The following LAMA2 variants were observed in gnomAD, a reference collection of about 807,000 sequenced individuals.
LAMA2 encodes the protein laminin subunit alpha-2.
In LAMA2, 269 loss-of-function variants were observed where a neutral mutation model predicts 364.8. The observed-to-expected ratio is 0.74, with a 90% confidence interval of 0.67 to 0.82. The LOEUF (loss-of-function observed/expected upper bound fraction) is 0.82, where lower values mean the gene tolerates loss of function less well. Among genes scored for constraint, LAMA2 ranks in the 40% least tolerant of loss-of-function variants. The pLI, the probability that LAMA2 is intolerant of heterozygous loss-of-function variation, is 0.00. For synonymous variants in LAMA2, 1,379 were observed against 1,370.6 expected (o/e 1.01, Z -0.14); for missense variants, 3,807 against 3,873.2 (o/e 0.98, Z 0.45).
chr6:129,297,537 A>T, intron 20 of LAMA2, 148 bp from the exon 21 acceptor site: 1 of 724,464 alleles, frequency 1.4e-6, no homozygotes, highest in Non-Finnish European at 2.4e-6. Context: ...CATTTGATTG[A>T]ATGAAAACCC....
At chr6:129,052,257 T>TC (rs1246506293) in intron 2 of LAMA2, among the ~76,000 whole-genome samples, 1 of 145,804 alleles carries the variant, frequency 6.9e-6, no homozygotes, top group African/African-American at 2.5e-5. Context: ...TGCCTCAGCC[T>TC]CCCCAGCAGC....
chr6:129,270,744 T>C lies in LAMA2; in HGVS notation c.2443T>C (p.Ser815Pro). ...QPCACPLNIPSNNFSPTCHLD... is the reference protein window; with the variant it reads ...QPCACPLNIPPNNFSPTCHLD... Reference sequence around the variant, plus strand: ...CTGTGCCTGTCCACTCAATATCCCATCCAATAAGTAAGTAACAAACTTACC... The same window carrying C: ...CTGTGCCTGTCCACTCAATATCCCACCCAATAAGTAAGTAACAAACTTACC... The change falls in exon 17 of 65, where the codon TCC becomes CCC. Residue 815 changes from serine (S) to proline (P), a missense_variant. This residue lies in a region of LAMA2 where 3,333 missense variants were observed against 3,345.7 expected (regional missense o/e 1.00). Transcript: ENST00000421865. 1 of 1,613,100 alleles carries C rather than the reference T, an allele frequency of 6.2e-7. No individual in the cohort carries two copies. The highest frequency in any genetic ancestry group is 8.5e-7 in the Non-Finnish European group (1 of 1,179,436).
chr6:129,169,278 G>A (rs1779976495), intron 9 of LAMA2, among the ~76,000 whole-genome samples: 2 of 145,430 alleles, frequency 1.4e-5, no homozygotes, highest in South Asian at 2.1e-4. Context: ...TGCCCATTCT[G>A]TATGATACTG....
intron 12 of LAMA2, among the ~76,000 whole-genome samples, chr6:129,216,701 C>G (rs1246772280): frequency 6.6e-6 from 1 of 151,968 alleles, no homozygotes; most frequent in Admixed American, 6.6e-5. Context: ...ATAAAGAAAA[C>G]TAATATGAAG....
At chr6:129,142,017 T>C (rs895314598) in intron 4 of LAMA2, among the ~76,000 whole-genome samples, 1 of 152,108 alleles carries the variant, frequency 6.6e-6, no homozygotes, top group Non-Finnish European at 1.5e-5. Flanking sequence ...TGTAAGTATG[T>C]GCTTCTTCCT....
At chr6:129,284,785 A>T (rs1314298542) in intron 18 of LAMA2, among the ~76,000 whole-genome samples, 1 of 151,664 alleles carries the variant, frequency 6.6e-6, no homozygotes, top group East Asian at 1.9e-4. Context: ...CCTCCCTCTA[A>T]CATTGTTCCT....
chr6:128,973,916 T>C (rs1243624744), intron 1 of LAMA2, among the ~76,000 whole-genome samples: 3 of 152,176 alleles, frequency 2.0e-5, no homozygotes, highest in Non-Finnish European at 4.4e-5. Context: ...GGGACCTCTA[T>C]GCCCCCATCC....
rs1018621745 is a variant in LAMA2, at chr6:129,139,120, A to G, written c.640-4781A>G. Reference sequence around the variant, plus strand: ...GTTTCAGTGGAATGGAGGAAGACCAATGGAATAATAGGAGCATTGTGGAGG... The same window carrying G: ...GTTTCAGTGGAATGGAGGAAGACCAGTGGAATAATAGGAGCATTGTGGAGG... On this transcript the variant is annotated intron_variant, in intron 4 of 64. Coordinates refer to ENST00000421865, the MANE Select transcript of LAMA2 (RefSeq NM_000426.4). Among the ~76,000 whole-genome samples the G allele has an allele frequency of 2.6e-5, 4 of 152,144 alleles. No homozygotes were observed. The East Asian group carries it at 7.7e-4, about 29-fold the overall frequency.
chr6:129,123,444 T>G (rs1015405174), intron 4 of LAMA2, among the ~76,000 whole-genome samples: 2 of 152,134 alleles, frequency 1.3e-5, no homozygotes, highest in Admixed American at 6.6e-5. Context: ...GTATTCATTT[T>G]AGCATTATTC....
chr6:129,208,651 AAG>A (rs537394261), intron 12 of LAMA2, among the ~76,000 whole-genome samples: 2 of 148,390 alleles, frequency 1.3e-5, no homozygotes, highest in Non-Finnish European at 3.0e-5. Context: ...AGAAGGAAGG[AAG>A]AGAGGGAGAA....
intron 1 of LAMA2, among the ~76,000 whole-genome samples, chr6:128,997,563 G>C (rs1784061791): frequency 6.6e-6 from 1 of 152,166 alleles, no homozygotes; most frequent in South Asian, 2.1e-4. Flanking sequence ...CGGAGGCTGA[G>C]GCAGGTGGAT....
At chr6:129,422,555 A>T (rs1305483762) in intron 40 of LAMA2, among the ~76,000 whole-genome samples, 1 of 152,162 alleles carries the variant, frequency 6.6e-6, no homozygotes, top group Non-Finnish European at 1.5e-5. Flanking sequence ...ATAGTAAAGG[A>T]TGTTAAGAGG....
At chr6:129,105,227 C>T (rs1213340473) in intron 4 of LAMA2, among the ~76,000 whole-genome samples, 2 of 152,102 alleles carry the variant, frequency 1.3e-5, no homozygotes, top group Non-Finnish European at 2.9e-5. Context: ...CAGGGTAGAG[C>T]TCTTGTGGGA....
chr6:129,476,559 G>A lies in LAMA2; in HGVS notation c.7451+1158G>A, dbSNP rs533022841. On this transcript the variant is annotated intron_variant, in intron 53 of 64. Coordinates refer to ENST00000421865, the MANE Select transcript of LAMA2 (RefSeq NM_000426.4). ...CCCCTGTAATTGTCCTAATATTGAG[G>A]TTGCTAAATCATATTTTGGAATGGT... Among the ~76,000 whole-genome samples, 183 of 152,210 alleles carry A rather than the reference G, an allele frequency of 1.2e-3. 1 individual carries two copies. Among genetic ancestry groups the A allele is most frequent in the African/African-American group, 4.2e-3 (174 of 41,532 alleles).
rs145149634 is a variant in LAMA2 at position 129,098,184 on chromosome 6, C to A, written c.408C>A (p.Ile136=). The change falls in exon 4 of 65, where the codon ATC becomes ATA. Residue 136 remains isoleucine, a synonymous_variant. Coordinates refer to ENST00000421865, the MANE Select transcript of LAMA2 (RefSeq NM_000426.4). The part of the protein sequence containing the change: ...ITLDLQQVFQ[I]AYVIVKAANS... ...TTATACTTCCCTAGGTGTTCCAGAT[C>A]GCGTATGTGATTGTGAAGGCAGCTA... is the stretch of plus-strand genomic sequence containing the variant. 6.2e-7 allele frequency: 1 copy of A among 1,613,888 alleles called. No individual in the cohort carries two copies. Among genetic ancestry groups the A allele is most frequent in the Non-Finnish European group, 8.5e-7 (1 of 1,179,938 alleles).
At chr6:129,339,291 A>G (rs925679358) in intron 29 of LAMA2, among the ~76,000 whole-genome samples, 4 of 152,212 alleles carry the variant, frequency 2.6e-5, no homozygotes, top group African/African-American at 9.6e-5. Context: ...CTCGGATAAG[A>G]GAGGCCTCTA....
chr6:129,171,797 C>T (rs1240303572), intron 9 of LAMA2, among the ~76,000 whole-genome samples: 1 of 112,552 alleles, frequency 8.9e-6, no homozygotes, highest in Non-Finnish European at 1.8e-5. Flanking sequence ...TTCTCCCCAT[C>T]ACTTTCAGGT....
chr6:129,464,123 C>G (rs181381920), intron 49 of LAMA2, among the ~76,000 whole-genome samples, 167 bp from the exon 50 acceptor site: 1 of 151,988 alleles, frequency 6.6e-6, no homozygotes, highest in East Asian at 1.9e-4. Flanking sequence ...TTTACTTATT[C>G]TAGCACGGTG....
At position 128,960,465 on chromosome 6, in the gene LAMA2, CCG is replaced by C. The variant is rs1320704047; in HGVS notation, c.112+77110_112+77111del. ...GCGATTCTCCGGCCTTGGCCCCACC[CCG>C]CCCCCGCCGACCCCCATGAGTAGCT... On this transcript the variant is annotated intron_variant, in intron 1 of 64. Transcript: ENST00000421865. Among the ~76,000 whole-genome samples, 225 of 148,248 alleles carry C rather than the reference CCG, an allele frequency of 1.5e-3. 1 individual carries two copies. The highest frequency in any genetic ancestry group is 5.7e-3 in the African/African-American group (218 of 38,406).
Sources: allele counts gnomAD v4.1 joint callset (sites outside exome capture counted in the v4.1 genomes callset), GRCh38; gene constraint gnomAD v4.1.1; regional missense constraint gnomAD v4.1.1; transcripts MANE v1.5; gene names NCBI Gene and HGNC (gene_info 2026-07-23, HGNC 2026-07-21).